The following AGTPBP1 variants were observed in gnomAD, a reference collection of about 807,000 sequenced individuals.
AGTPBP1 encodes ATP/GTP binding carboxypeptidase 1.
AGTPBP1 carries 70 observed loss-of-function variants against 143.9 expected under a neutral mutation model. The observed-to-expected ratio is 0.49, with a 90% CI of 0.40 to 0.59. AGTPBP1 has a LOEUF of 0.59. AGTPBP1 is among the 20% of genes least tolerant of loss of function. The pLI is 0.00. For synonymous variants in AGTPBP1, 463 were observed against 500.2 expected (o/e 0.93, Z 0.99); for missense variants, 1,229 against 1,464.5 (o/e 0.84, Z 2.62).
chr9:85,636,244 C>A (rs1341906201), intron 13 of AGTPBP1, among the ~76,000 whole-genome samples: 5 of 147,664 alleles, frequency 3.4e-5, no homozygotes, highest in Non-Finnish European at 7.4e-5. Flanking sequence ...TGATTAAATG[C>A]ATTTTGTAAG....
chr9:85,796,959 T>TG, the AGTPBP1 span, among the ~76,000 whole-genome samples: 3 of 151,798 alleles, frequency 2.0e-5, no homozygotes, highest in African/African-American at 4.8e-5. Context: ...CCTAATTTTT[T>TG]TATTTTTAGT....
chr9:85,689,649 C>A (rs531097848), intron 3 of AGTPBP1, among the ~76,000 whole-genome samples: 2 of 151,938 alleles, frequency 1.3e-5, no homozygotes, highest in Non-Finnish European at 2.9e-5. Context: ...AATCCCAGCA[C>A]TGTGGGAGGC....
chr9:85,735,173 T>C (rs933689344), intron 1 of AGTPBP1, among the ~76,000 whole-genome samples: 5 of 152,218 alleles, frequency 3.3e-5, no homozygotes, highest in African/African-American at 1.2e-4. Context: ...ATCTGGTATA[T>C]ACATATAACA....
At chr9:85,697,445 GTTTTTT>G (rs758082233) in intron 2 of AGTPBP1, among the ~76,000 whole-genome samples, 4 of 65,072 alleles carry the variant, frequency 6.1e-5, no homozygotes, top group Non-Finnish European at 1.1e-4. Context: ...TTTGTTTTTT[GTTTTTT>G]TTTTTTTTTT....
At chr9:85,691,567 T>G (rs1340724245) in intron 3 of AGTPBP1, among the ~76,000 whole-genome samples, 1 of 135,350 alleles carries the variant, frequency 7.4e-6, no homozygotes, top group Non-Finnish European at 1.6e-5. Flanking sequence ...GTGTGTGTGT[T>G]TTAAATCATG....
the AGTPBP1 span, chr9:85,753,313 A>G: frequency 6.2e-7 from 1 of 1,613,904 alleles, no homozygotes; most frequent in Middle Eastern, 1.7e-4. Flanking sequence ...TAGGAACTAC[A>G]ATTAAAAACA....
At chr9:85,572,345 T>TTA (rs1827558494) in intron 25 of AGTPBP1, among the ~76,000 whole-genome samples, 2 of 152,140 alleles carry the variant, frequency 1.3e-5, no homozygotes, top group Admixed American at 1.3e-4. Flanking sequence ...GTTTGTATTT[T>TTA]TATATTTATG....
At chr9:85,726,633 G>A (rs1838514299) in intron 1 of AGTPBP1, among the ~76,000 whole-genome samples, 1 of 152,228 alleles carries the variant, frequency 6.6e-6, no homozygotes, top group Non-Finnish European at 1.5e-5. Context: ...GCTGTACTAA[G>A]TTTTCCTATA....
intron 13 of AGTPBP1, among the ~76,000 whole-genome samples, chr9:85,641,185 G>C (rs1394621575): frequency 6.6e-6 from 1 of 152,114 alleles, no homozygotes; most frequent in Non-Finnish European, 1.5e-5. Context: ...CACGGATAAG[G>C]GGGGCCTACC....
chr9:85,756,643 T>G, the AGTPBP1 span, among the ~76,000 whole-genome samples: 3 of 152,072 alleles, frequency 2.0e-5, no homozygotes, highest in Non-Finnish European at 2.9e-5. Flanking sequence ...CACAAAAACT[T>G]GAACATGAAC....
At position 85,575,412 on chromosome 9, in the gene AGTPBP1, G is replaced by A. The variant is rs780761655; in HGVS notation, c.3406C>T (p.Arg1136Cys). ...MGAKFCVGLL[R>C]LKRLTSPLEY... ...AATGGAGAGGTCAGTCTTTTCAAAC[G>A]TAAAAGACCAACACAAAATTTTGCT... Residue 1136 changes from arginine to cysteine, a missense_variant, in exon 25 of 26, where the codon CGT becomes TGT. Around this residue, in one of 2 missense-constraint regions of AGTPBP1, gnomAD observed 486 missense variants for 652.3 expected, o/e 0.75. Transcript: ENST00000357081. 5.6e-6 allele frequency: 9 copies of A among 1,610,366 alleles called. No individual in the cohort carries two copies. The highest frequency in any genetic ancestry group is 2.2e-5 in the East Asian group (1 of 44,524).
the AGTPBP1 span, among the ~76,000 whole-genome samples, chr9:85,804,693 G>A: frequency 1.3e-5 from 2 of 152,224 alleles, no homozygotes; most frequent in Non-Finnish European, 2.9e-5. Context: ...TTTTGGGTAA[G>A]TCACTTAACT....
At chr9:85,635,176 A>G (rs1831959289) in intron 13 of AGTPBP1, among the ~76,000 whole-genome samples, 1 of 152,232 alleles carries the variant, frequency 6.6e-6, no homozygotes, top group South Asian at 2.1e-4. Flanking sequence ...TGAATCCACC[A>G]GTTAACCCAT....
chr9:85,763,289 A>T, the AGTPBP1 span, among the ~76,000 whole-genome samples: 1 of 152,152 alleles, frequency 6.6e-6, no homozygotes, highest in Non-Finnish European at 1.5e-5. Context: ...AGGATTCTGA[A>T]AATGTGCTCC....
chr9:85,638,352 T>C (rs1462492812), intron 13 of AGTPBP1, among the ~76,000 whole-genome samples: 1 of 151,772 alleles, frequency 6.6e-6, no homozygotes, highest in African/African-American at 2.4e-5. Context: ...AAAAAGTTGA[T>C]TAAAATAAAA....
At chr9:85,549,666 T>G (rs967894709) in intron 25 of AGTPBP1, among the ~76,000 whole-genome samples, 1 of 152,204 alleles carries the variant, frequency 6.6e-6, no homozygotes, top group African/African-American at 2.4e-5. Flanking sequence ...AGGATAGAGC[T>G]AAATAAGTTT....
chr9:85,655,416 T>C (rs1833434886), intron 10 of AGTPBP1, 96 bp from the exon 11 acceptor site: 15 of 1,054,194 alleles, frequency 1.4e-5, no homozygotes, highest in Non-Finnish European at 2.0e-5. Flanking sequence ...TTAATAATTT[T>C]CTAGAAACAA....
chr9:85,727,988 A>T (rs1587990678), intron 1 of AGTPBP1, among the ~76,000 whole-genome samples: 1 of 150,994 alleles, frequency 6.6e-6, no homozygotes, highest in Non-Finnish European at 1.5e-5. Flanking sequence ...TGACTGCATC[A>T]CTATACTCAA....
At chr9:85,737,416 G>C (rs903301792) in intron 1 of AGTPBP1, among the ~76,000 whole-genome samples, 1 of 152,156 alleles carries the variant, frequency 6.6e-6, no homozygotes, top group Non-Finnish European at 1.5e-5. Context: ...AACTGAGCTT[G>C]TCACTTTAAG....
Sources: allele counts gnomAD v4.1 joint callset (sites outside exome capture counted in the v4.1 genomes callset), GRCh38; gene constraint gnomAD v4.1.1; regional missense constraint gnomAD v4.1.1; transcripts MANE v1.5; gene names NCBI Gene and HGNC (gene_info 2026-07-23, HGNC 2026-07-21).